The following TAF3 variants were observed in gnomAD, a reference collection of about 807,000 sequenced individuals.
The protein encoded by TAF3 is TATA-box binding protein associated factor 3, also known as transcription initiation factor TFIID subunit 3.
Under a neutral mutation model 80.6 loss-of-function variants are expected in TAF3, and 7 were observed. That is an observed-to-expected ratio of 0.09 (90% CI 0.05 to 0.16). TAF3 has a LOEUF of 0.16. Among genes scored for constraint, TAF3 ranks in the 10% least tolerant of loss-of-function variants. The pLI is 1.00. For missense variants in TAF3, 921 were observed against 1,140.2 expected (o/e 0.81, Z 2.77); for synonymous variants, 444 against 446.1 (o/e 1.00, Z 0.06).
intron 2 of TAF3, among the ~76,000 whole-genome samples, chr10:7,828,578 C>A (rs1836766258): frequency 6.6e-6 from 1 of 151,762 alleles, no homozygotes; most frequent in African/African-American, 2.4e-5. Context: ...ACACCAATAC[C>A]ATATTTTTTT....
chr10:7,961,867 A>G (rs1054079095), intron 2 of TAF3, among the ~76,000 whole-genome samples: 3 of 150,546 alleles, frequency 2.0e-5, no homozygotes, highest in African/African-American at 7.3e-5. Flanking sequence ...TTTTTTCTTT[A>G]AAAATAGGGT....
intron 2 of TAF3, among the ~76,000 whole-genome samples, chr10:7,919,143 GC>G (rs1837740100): frequency 6.6e-6 from 1 of 152,182 alleles, no homozygotes; most frequent in African/African-American, 2.4e-5. Flanking sequence ...GCGACTAGGG[GC>G]CAGAAAACCG....
intron 2 of TAF3, among the ~76,000 whole-genome samples, chr10:7,896,488 G>T (rs981713352): frequency 1.4e-4 from 22 of 152,132 alleles, no homozygotes; most frequent in Admixed American, 2.6e-4. Flanking sequence ...CAGCCAGCTG[G>T]GAATGTTTGC....
At chr10:7,962,175 T>G (rs1207686140) in intron 2 of TAF3, among the ~76,000 whole-genome samples, 6 of 152,202 alleles carry the variant, frequency 3.9e-5, no homozygotes, top group Non-Finnish European at 8.8e-5. Flanking sequence ...GAAATTGTGT[T>G]TGAGTCCTTG....
chr10:7,944,808 G>A (rs1477833490), intron 2 of TAF3, among the ~76,000 whole-genome samples: 4 of 152,156 alleles, frequency 2.6e-5, no homozygotes, highest in Non-Finnish European at 5.9e-5. Context: ...CTTATCTTAA[G>A]CAATTAATCA....
chr10:7,914,075 CTT>C (rs1837682406), intron 2 of TAF3, among the ~76,000 whole-genome samples: 1 of 152,068 alleles, frequency 6.6e-6, no homozygotes, highest in African/African-American at 2.4e-5. Flanking sequence ...AAGAAACTGA[CTT>C]TAAAAATGTC....
intron 2 of TAF3, among the ~76,000 whole-genome samples, chr10:7,827,586 C>T (rs1343392749): frequency 6.6e-6 from 1 of 152,062 alleles, no homozygotes; most frequent in Non-Finnish European, 1.5e-5. Context: ...TCGAGACCAT[C>T]CTGGCTAACA....
intron 4 of TAF3, among the ~76,000 whole-genome samples, chr10:8,006,625 A>G (rs1831996737): frequency 6.6e-6 from 1 of 152,256 alleles, no homozygotes; most frequent in South Asian, 2.1e-4. Context: ...ATAGAGAACA[A>G]TTCGACAGCA....
chr10:7,872,213 A>ATTTTTTTTTTTTTTTTTT (rs34945620), intron 2 of TAF3, among the ~76,000 whole-genome samples: 6 of 121,970 alleles, frequency 4.9e-5, no homozygotes, highest in African/African-American at 6.2e-5. Flanking sequence ...TGTTGGGTTG[A>ATTTTTTTTTTTTTTTTTT]TTTTTTTTTT....
At position 8,014,753 on chromosome 10, in the gene TAF3, G is replaced by T. The variant is rs774505614; in HGVS notation, c.*2G>T. Reference sequence around the variant, plus strand: ...AAGAGGAAGCATCGAGCCCACTGACGACTCCCGAGGGGCTGGACCAAGCGG... The same window carrying T: ...AAGAGGAAGCATCGAGCCCACTGACTACTCCCGAGGGGCTGGACCAAGCGG... On this transcript the variant is annotated 3_prime_UTR_variant, in exon 7 of 7. Coordinates refer to ENST00000344293, the MANE Select transcript of TAF3 (RefSeq NM_031923.4). 1.3e-6 allele frequency: 2 copies of T among 1,581,926 alleles called. No individual in the cohort carries two copies. Among genetic ancestry groups the T allele is most frequent in the South Asian group, 2.3e-5 (2 of 86,602 alleles).
intron 3 of TAF3, among the ~76,000 whole-genome samples, chr10:7,968,244 T>G (rs1191311107): frequency 6.6e-6 from 1 of 152,126 alleles, no homozygotes; most frequent in Non-Finnish European, 1.5e-5. Flanking sequence ...GCCAAAAGAA[T>G]GAAGGCCACA....
chr10:7,927,978 T>A (rs897169024), intron 2 of TAF3, among the ~76,000 whole-genome samples: 6 of 152,166 alleles, frequency 3.9e-5, no homozygotes, highest in Non-Finnish European at 8.8e-5. Flanking sequence ...CCCCACTTTT[T>A]TTTTTGGAGT....
chr10:7,985,780 CTTTTTTTTTTTTT>C (rs71477297), intron 4 of TAF3, among the ~76,000 whole-genome samples: 1 of 107,952 alleles, frequency 9.3e-6, no homozygotes, highest in Non-Finnish European at 1.9e-5. Flanking sequence ...TTCTCTCTCT[CTTTTTTTTTTTTT>C]TTTTTTTTGA....
intron 4 of TAF3, among the ~76,000 whole-genome samples, chr10:7,982,693 C>T (rs1289713794): frequency 1.3e-5 from 2 of 152,200 alleles, no homozygotes; most frequent in Non-Finnish European, 1.5e-5. Context: ...AGCAATCTTG[C>T]TTGACTGAAA....
intron 2 of TAF3, among the ~76,000 whole-genome samples, chr10:7,935,070 A>G (rs971385601): frequency 6.6e-6 from 1 of 152,110 alleles, no homozygotes; most frequent in African/African-American, 2.4e-5. Context: ...TGAGGTCAGG[A>G]GTTCAAGACC....
chr10:7,823,776 A>G (rs537700173), intron 1 of TAF3, among the ~76,000 whole-genome samples: 8 of 152,100 alleles, frequency 5.3e-5, no homozygotes, highest in Non-Finnish European at 8.8e-5. Flanking sequence ...CTGGGATTAC[A>G]GGCCTGCGCC....
At chr10:7,937,872 GAGGTTAAATA>G (rs1185822194) in intron 2 of TAF3, among the ~76,000 whole-genome samples, 1 of 152,192 alleles carries the variant, frequency 6.6e-6, no homozygotes, top group Non-Finnish European at 1.5e-5. Context: ...AAGGAACAGT[GAGGTTAAATA>G]AGGTACGCAA....
rs149865430 is a variant in TAF3 at position 7,961,217 on chromosome 10, C to T, written c.410-2703C>T. Among the ~76,000 whole-genome samples, 804 of 152,248 alleles carry T rather than the reference C, an allele frequency of 5.3e-3. 12 individuals are homozygous for T. Among genetic ancestry groups the T allele is most frequent in the African/African-American group, 0.019 (777 of 41,546 alleles). On this transcript the variant is annotated intron_variant, in intron 2 of 6. Coordinates refer to ENST00000344293, the MANE Select transcript of TAF3 (RefSeq NM_031923.4). ...GAAAACTTGTGCTGTCAATTCAGAT[C>T]TGGCGGAGAAGATGGGAGAGAATCT...
intron 4 of TAF3, among the ~76,000 whole-genome samples, chr10:7,989,111 A>G (rs1490855773): frequency 6.6e-6 from 1 of 152,164 alleles, no homozygotes; most frequent in African/African-American, 2.4e-5. Context: ...CAAGATTTCA[A>G]CCCAGAGGAA....
Sources: gnomAD v4.1 joint callset for allele counts (sites outside exome capture counted in the v4.1 genomes callset) on GRCh38, gnomAD v4.1.1 for gene constraint, MANE v1.5 for transcripts, NCBI Gene and HGNC (gene_info 2026-07-23, HGNC 2026-07-21) for gene names.